Variants in LAMB2 observed in about 807,000 individuals in gnomAD.
LAMB2 encodes laminin subunit beta 2, also known as laminin subunit beta-2.
LAMB2 carries 119 observed loss-of-function variants against 202.7 expected under a neutral mutation model. That is an observed-to-expected ratio of 0.59 (90% CI 0.51 to 0.68). The LOEUF (loss-of-function observed/expected upper bound fraction) is 0.68. Among genes scored for constraint, LAMB2 ranks in the 30% least tolerant of loss-of-function variants. The pLI is 0.00. For missense variants in LAMB2, 2,124 were observed against 2,410.6 expected (o/e 0.88, Z 2.49); for synonymous variants, 818 against 902.2 (o/e 0.91, Z 1.67).
At position 49,132,291 on chromosome 3, in the gene LAMB2, C is replaced by G. The variant is rs1298091592; in HGVS notation, c.364G>C (p.Ala122Pro). ...TCACCATTCTCTGACTGCCACCAGG[C>G]TGCCCGCCGCTGTGGTGCAAAGCTG... ...VTSFAPQRRA[A>P]WWQSENGIPA... The change falls in exon 3 of 32, where the codon GCC (alanine) becomes CCC (proline). Residue 122 changes from alanine to proline, a missense_variant. Physicochemically the swap from Ala to Pro is conservative, Grantham distance 27. This residue lies in a region of LAMB2 where 166 missense variants were observed against 158.2 expected (regional missense o/e 1.05). Transcript: ENST00000305544. The surrounding 1 kb of genome is among the most constrained non-coding windows in gnomAD (Gnocchi z 4.6). 2.5e-6 allele frequency: 4 copies of G among 1,614,132 alleles called. No homozygotes were observed. In the Admixed American group the frequency reaches 6.7e-5, roughly 27 times the overall value.
At position 49,132,353 on chromosome 3, in the gene LAMB2, T is replaced by C. The variant is rs763320182; in HGVS notation, c.302A>G (p.Asp101Gly). The C allele has an allele frequency of 7.4e-6, 12 of 1,614,130 alleles. No individual in the cohort carries two copies. The Admixed American group carries it at 2.0e-4, about 27-fold the overall frequency. The change falls in exon 3 of 32, where the codon GAC (aspartate) becomes GGC (glycine). Residue 101 changes from aspartate to glycine, a missense_variant. Physicochemically the swap from Asp to Gly is moderately conservative, Grantham distance 94 (BLOSUM62 -1). This residue lies in a region of LAMB2 where 166 missense variants were observed against 158.2 expected (regional missense o/e 1.05). Transcript: ENST00000305544. The surrounding 1 kb of genome is among the most constrained non-coding windows in gnomAD (Gnocchi z 4.6). ...CDSRRPFSAR[D>G]NPHSHRIQNV... ...CTGGATGCGATGGCTGTGTGGGTTGTCTCTAGCAGAGAAGGGGCGCCGGGA... is the reference window on the plus strand; with the variant it reads ...CTGGATGCGATGGCTGTGTGGGTTGCCTCTAGCAGAGAAGGGGCGCCGGGA...
In LAMB2 at chr3:49,131,296, A is replaced by T; in HGVS notation, c.712+83T>A. ...AACTGGGCTTGGCACCTGCCCTAGG[A>T]AGCACCCAAAATAGTTACTGAGGCC... On this transcript the variant is annotated intron_variant, in intron 6 of 31. Coordinates refer to ENST00000305544, the MANE Select transcript of LAMB2 (RefSeq NM_002292.4). This position sits in a 1 kb window ranked among gnomAD's most constrained non-coding sequence, Gnocchi z 5.0. The T allele has an allele frequency of 6.5e-7, 1 of 1,528,662 alleles. No homozygotes were observed. Among genetic ancestry groups the T allele is most frequent in the Non-Finnish European group, 9.0e-7 (1 of 1,109,764 alleles). 94.7% of individuals were successfully genotyped at this position (1,528,662 alleles called of 1,614,324 possible).
chr3:49,123,389 G>T lies in LAMB2; in HGVS notation c.3983-16C>A, dbSNP rs767948003. On this transcript the variant is annotated splice_polypyrimidine_tract_variant and intron_variant, in intron 25 of 31. Coordinates refer to ENST00000305544, the MANE Select transcript of LAMB2 (RefSeq NM_002292.4). ...TCATAGGCACCTAAATTGGGCAGAGGCAGACAGTCAGCTGAAGACTGACCC... is the reference window on the plus strand; with the variant it reads ...TCATAGGCACCTAAATTGGGCAGAGTCAGACAGTCAGCTGAAGACTGACCC... The T allele has an allele frequency of 6.2e-7, 1 of 1,613,892 alleles. No homozygotes were observed. Among genetic ancestry groups the T allele is most frequent in the Non-Finnish European group, 8.5e-7 (1 of 1,180,040 alleles).
Position 49,130,000 on chromosome 3 carries a change from A to C in LAMB2, c.1244T>G (p.Met415Arg), listed in dbSNP as rs2045464538. Residue 415 changes from methionine (M) to arginine (R), a missense_variant, in exon 10 of 32, where the codon ATG becomes AGG. By Grantham distance (91) the Met-to-Arg change is moderately conservative. This residue lies in a region of LAMB2 where 1,702 missense variants were observed against 1,896.3 expected (regional missense o/e 0.90). Transcript: ENST00000305544. This position sits in a 1 kb window ranked among gnomAD's most constrained non-coding sequence, Gnocchi z 6.1. ...ACAGCGACCACCGTCTTGAGAACCC[A>C]TGGGGTCACAATCACAGGCTGACGG... is the stretch of plus-strand genomic sequence containing the variant. ...AVCRSCDCDP[M>R]GSQDGGRCDS... is the part of the protein sequence containing the mutation. The C allele has an allele frequency of 6.2e-7, 1 of 1,613,916 alleles. No homozygotes were observed. Among genetic ancestry groups the C allele is most frequent in the African/African-American group, 1.3e-5 (1 of 74,926 alleles).
At chr3:49,126,552 A>G (rs2045418110) in intron 15 of LAMB2, 55 bp from the exon 16 acceptor site, 4 of 1,607,228 alleles carry the variant, frequency 2.5e-6, no homozygotes, top group Non-Finnish European at 3.4e-6. Flanking sequence ...TGTACAAATC[A>G]TCTGGGCCTC....
chr3:49,125,462 C>T lies in LAMB2; in HGVS notation c.2511G>A (p.Gly837=). The change falls in exon 19 of 32, where the codon GGG becomes GGA. Residue 837 remains glycine, a synonymous_variant. Transcript: ENST00000305544. ...TCTTTTCACAGAGACTGCTGAGTGC[C>T]CCCTCGTGGCTGCACTGGCAGGCTA... The part of the protein sequence containing the change: ...GCQACQCSHE[G]ALSSLCEKTS... 6.2e-7 allele frequency: 1 copy of T among 1,606,610 alleles called. No individual in the cohort carries two copies. Among genetic ancestry groups the T allele is most frequent in the Non-Finnish European group, 8.5e-7 (1 of 1,176,726 alleles).
At position 49,123,000 on chromosome 3, in the gene LAMB2, G is replaced by A. The variant is rs1194737026; in HGVS notation, c.4277C>T (p.Ala1426Val). 4.4e-6 allele frequency: 7 copies of A among 1,608,546 alleles called. No homozygotes were observed. Among genetic ancestry groups the A allele is most frequent in the African/African-American group, 4.0e-5 (3 of 74,924 alleles). ...APCATSPCGG[A>V]GCRDEDGQPR... ...CTGCCCATCCTCATCTCGACAGCCG[G>A]CACCCCCACAAGGGCTTGTAGCACA... Residue 1426 changes from alanine (A) to valine (V), a missense_variant, in exon 27 of 32, where the codon GCC (alanine) becomes GTC (valine). Physicochemically the swap from Ala to Val is moderately conservative, Grantham distance 64. Coordinates refer to ENST00000305544, the MANE Select transcript of LAMB2 (RefSeq NM_002292.4).
At chr3:49,123,398 C>A in intron 25 of LAMB2, 25 bp from the exon 26 acceptor site, 1 of 1,614,022 alleles carries the variant, frequency 6.2e-7, no homozygotes. Flanking sequence ...GGCAGACAGT[C>A]AGCTGAAGAC....
chr3:49,127,337 T>G (rs1008205446), intron 15 of LAMB2, among the ~76,000 whole-genome samples: 1 of 152,128 alleles, frequency 6.6e-6, no homozygotes, highest in Non-Finnish European at 1.5e-5. Flanking sequence ...ATGTCTATAA[T>G]GGGCACAGCC....
chr3:49,125,544 G>A (rs966729121), intron 18 of LAMB2, 60 bp from the exon 19 acceptor site: 3 of 1,442,630 alleles, frequency 2.1e-6, no homozygotes, highest in African/African-American at 1.4e-5. Context: ...GAGTGTGGGT[G>A]GGGGAGGGTC....
rs751839587 is a variant in LAMB2, at chr3:49,129,996, A to G, written c.1248T>C (p.Gly416=). The change falls in exon 10 of 32, where the codon GGT becomes GGC. Residue 416 remains glycine (G), a synonymous_variant. Transcript: ENST00000305544. The surrounding 1 kb of genome is among the most constrained non-coding windows in gnomAD (Gnocchi z 6.1). ...VCRSCDCDPM[G]SQDGGRCDSH... ...AATCACAGCGACCACCGTCTTGAGA[A>G]CCCATGGGGTCACAATCACAGGCTG... 7 of 1,613,796 alleles carry G rather than the reference A, an allele frequency of 4.3e-6. No individual in the cohort carries two copies. The highest frequency in any genetic ancestry group is 5.9e-6 in the Non-Finnish European group (7 of 1,180,008).
At position 49,122,232 on chromosome 3, in the gene LAMB2, G is replaced by A. The variant is rs371490301; in HGVS notation, c.4712C>T (p.Ala1571Val). 1.1e-5 allele frequency: 18 copies of A among 1,613,314 alleles called. No homozygotes were observed. The highest frequency in any genetic ancestry group is 3.3e-5 in the South Asian group (3 of 91,092). ...ATCTCCTACAGTACGTGCCAGGATC[G>A]CATCCACATCTGCCAGGCTCCGGAC... The part of the protein sequence containing the change: ...ERVRSLADVD[A>V]ILARTVGDVR... Residue 1571 changes from alanine to valine, a missense_variant, in exon 28 of 32, where the codon GCG becomes GTG. Physicochemically the swap from Ala to Val is moderately conservative, Grantham distance 64 (BLOSUM62 0). This residue lies in a region of LAMB2 where 1,702 missense variants were observed against 1,896.3 expected (regional missense o/e 0.90). Coordinates refer to ENST00000305544, the MANE Select transcript of LAMB2 (RefSeq NM_002292.4).
At chr3:49,122,538 C>T (rs1460217995) in intron 27 of LAMB2, 166 bp downstream of exon 27, 62 of 923,532 alleles carry the variant, frequency 6.7e-5, no homozygotes, top group Non-Finnish European at 1.0e-4. Flanking sequence ...GACTCAAGAA[C>T]ATGGACCTGG....
rs767992996 is a variant in LAMB2 at position 49,132,427 on chromosome 3, A to G, written c.250-22T>C. The G allele has an allele frequency of 5.0e-6, 8 of 1,614,100 alleles. No individual in the cohort carries two copies. In the South Asian group the frequency reaches 8.8e-5, roughly 18 times the overall value. On this transcript the variant is annotated intron_variant, in intron 2 of 31. Transcript: ENST00000305544. This position sits in a 1 kb window ranked among gnomAD's most constrained non-coding sequence, Gnocchi z 4.6. ...CGTCCTGGGTTGGATGGGGATTAGAATCAGTGCCTCAGGCAGTGCCAGCCC... is the reference window on the plus strand; with the variant it reads ...CGTCCTGGGTTGGATGGGGATTAGAGTCAGTGCCTCAGGCAGTGCCAGCCC...
rs1468839843 is a variant in LAMB2 at position 49,121,709 on chromosome 3, T to C, written c.5075A>G (p.Gln1692Arg). Reference protein sequence around the residue: ...STAEETAGSAQGRAQEAEQLL... With the variant: ...STAEETAGSARGRAQEAEQLL... ...CTGCTCAGCCTCCTGGGCACGACCC[T>C]GGGCACTGCCTGCCGTTTCTTCTGC... Residue 1692 changes from glutamine (Q) to arginine (R), a missense_variant, in exon 30 of 32, where the codon CAG (glutamine) becomes CGG (arginine). By Grantham distance (43) the Gln-to-Arg change is conservative. Around this residue, in one of 3 missense-constraint regions of LAMB2, gnomAD observed 1,702 missense variants for 1,896.3 expected, o/e 0.90. Transcript: ENST00000305544. 6.2e-7 allele frequency: 1 copy of C among 1,613,908 alleles called. No individual in the cohort carries two copies. Among genetic ancestry groups the C allele is most frequent in the Non-Finnish European group, 8.5e-7 (1 of 1,180,028 alleles).
In LAMB2 at chr3:49,125,448, A is replaced by G; in HGVS notation, c.2525T>C (p.Leu842Pro). The part of the protein sequence containing the change: ...QCSHEGALSS[L>P]CEKTSGQCLC... ...ACATTGCCCACTGGTCTTTTCACAG[A>G]GACTGCTGAGTGCCCCCTCGTGGCT... Residue 842 changes from leucine to proline, a missense_variant, in exon 19 of 32, where the codon CTC (leucine) becomes CCC (proline). This residue lies in a region of LAMB2 where 1,702 missense variants were observed against 1,896.3 expected (regional missense o/e 0.90). Coordinates refer to ENST00000305544, the MANE Select transcript of LAMB2 (RefSeq NM_002292.4). 1 of 1,612,186 alleles carries G rather than the reference A, an allele frequency of 6.2e-7. No individual in the cohort carries two copies.
At position 49,124,042 on chromosome 3, in the gene LAMB2, G is replaced by T; in HGVS notation, c.3483C>A (p.His1161Gln). 6.2e-7 allele frequency: 1 copy of T among 1,613,754 alleles called. No homozygotes were observed. The highest frequency in any genetic ancestry group is 1.1e-5 in the South Asian group (1 of 91,090). The change falls in exon 24 of 32, where the codon CAC becomes CAA. Residue 1161 changes from histidine (H) to glutamine (Q), a missense_variant. His to Gln is a conservative substitution (Grantham distance 24, BLOSUM62 0). This residue lies in a region of LAMB2 where 1,702 missense variants were observed against 1,896.3 expected (regional missense o/e 0.90). Transcript: ENST00000305544. The stretch of plus-strand genomic sequence containing the variant: ...CAGACACCCCTGGGCGGCAGCTGCA[G>T]TGACCTGTGAAGCGGTGACACTGAG... ...DTPQCHRFTG[H>Q]CSCRPGVSGV...
Position 49,126,113 on chromosome 3 carries a change from C to T in LAMB2, c.2198G>A (p.Gly733Asp). 1 of 1,613,712 alleles carries T rather than the reference C, an allele frequency of 6.2e-7. No homozygotes were observed. Among genetic ancestry groups the T allele is most frequent in the Non-Finnish European group, 8.5e-7 (1 of 1,180,020 alleles). Reference sequence around the variant, plus strand: ...CTGGCGCTCCAGGGCAGCAGCATCACCCCCACTAAACATCTCTAGCACCAG... The same window carrying T: ...CTGGCGCTCCAGGGCAGCAGCATCATCCCCACTAAACATCTCTAGCACCAG... Reference protein sequence around the residue: ...RVLVLEMFSGGDAAALERQAT... With the variant: ...RVLVLEMFSGDDAAALERQAT... Residue 733 changes from glycine to aspartate, a missense_variant, in exon 17 of 32, where the codon GGT becomes GAT. By Grantham distance (94) the Gly-to-Asp change is moderately conservative. Coordinates refer to ENST00000305544, the MANE Select transcript of LAMB2 (RefSeq NM_002292.4).
rs778891047 is a variant in LAMB2, at chr3:49,130,995, T to C, written c.870A>G (p.Ser290=). The C allele has an allele frequency of 6.2e-7, 1 of 1,614,046 alleles. No homozygotes were observed. The highest frequency in any genetic ancestry group is 8.5e-7 in the Non-Finnish European group (1 of 1,180,036). ...GTGCCCCTGGGGCGGGTGCACACTC[T>C]GAGGCGTGTCCGTAGCAGAAGCAGT... is the stretch of plus-strand genomic sequence containing the variant. ...RGNCFCYGHA[S]ECAPAPGAPA... The change falls in exon 7 of 32, where the codon TCA becomes TCG. Residue 290 remains serine (S), a synonymous_variant. Coordinates refer to ENST00000305544, the MANE Select transcript of LAMB2 (RefSeq NM_002292.4). The surrounding 1 kb of genome is among the most constrained non-coding windows in gnomAD (Gnocchi z 5.0).
Sources: gnomAD v4.1 joint callset for allele counts (sites outside exome capture counted in the v4.1 genomes callset) on GRCh38, gnomAD v4.1.1 for gene constraint, gnomAD v4.1.1 regional missense constraint, Gnocchi (gnomAD v3.1) non-coding constraint, MANE v1.5 for transcripts, NCBI Gene and HGNC (gene_info 2026-07-23, HGNC 2026-07-21) for gene names.